Variants in SCRIB observed in about 807,000 individuals in gnomAD.
The protein encoded by SCRIB is protein scribble homolog.
Under a neutral mutation model 170.0 loss-of-function variants are expected in SCRIB, and 72 were observed. The ratio of observed to expected loss-of-function variants is 0.42; its 90% confidence interval spans 0.35 to 0.52. SCRIB has a LOEUF of 0.52. SCRIB is among the 20% of genes least tolerant of loss of function. The probability of loss-of-function intolerance (pLI) is 0.02; values close to 1 mark genes in which losing one functional copy is unlikely to be tolerated. For missense variants in SCRIB, 2,475 were observed against 2,338.5 expected (o/e 1.06, Z -1.20); for synonymous variants, 1,298 against 1,044.3 (o/e 1.24, Z -4.68).
In SCRIB at chr8:143,812,363, A is replaced by G. The variant is rs1815774613; in HGVS notation, c.809T>C (p.Ile270Thr). Residue 270 changes from isoleucine to threonine, a missense_variant, in exon 9 of 37, where the codon ATC (isoleucine) becomes ACC (threonine). Ile to Thr is a moderately conservative substitution (Grantham distance 89, BLOSUM62 -1). Coordinates refer to ENST00000356994, the MANE Select transcript of SCRIB (RefSeq NM_182706.5). ...DGIGQLKQLS[I>T]LKVDQNRLCE... ...CAGCCGATTCTGGTCTACCTTTAGG[A>G]TGGATAGCTGCTTCAGCTGACCTGG... 1 of 1,613,324 alleles carries G rather than the reference A, an allele frequency of 6.2e-7. No individual in the cohort carries two copies. Among genetic ancestry groups the G allele is most frequent in the Non-Finnish European group, 8.5e-7 (1 of 1,179,476 alleles).
At chr8:143,795,395 G>A (rs1814899648) in intron 25 of SCRIB, 25 bp downstream of exon 25, 1 of 1,612,464 alleles carries the variant, frequency 6.2e-7, no homozygotes, top group Non-Finnish European at 8.5e-7. Context: ...TGGCCCTGGG[G>A]CTGCCGGCTG....
In SCRIB at chr8:143,813,064, C is replaced by T; in HGVS notation, c.608G>A (p.Trp203Ter). 1 of 1,588,082 alleles carries T rather than the reference C, an allele frequency of 6.3e-7. No homozygotes were observed. The highest frequency in any genetic ancestry group is 8.6e-7 in the Non-Finnish European group (1 of 1,166,802). ...LGALPNLREL[W>*]LDRNQLSALP... ...TGCTGACAGCTGGTTCCGGTCAAGC[C>T]ACAGCTCCCGAAGATTGGGCAGAGC... Residue 203 changes from tryptophan (W) to a stop codon, truncating the protein, a stop_gained, in exon 7 of 37, where the codon TGG becomes TAG. Coordinates refer to ENST00000356994, the MANE Select transcript of SCRIB (RefSeq NM_182706.5). LOFTEE classifies it high-confidence loss of function.
intron 10 of SCRIB, 31 bp from the exon 11 acceptor site, chr8:143,811,103 G>A (rs752819039): frequency 1.4e-5 from 22 of 1,605,866 alleles, no homozygotes; most frequent in Admixed American, 6.8e-5. Context: ...GTCAGCAGGC[G>A]TTGGGGCCAC....
At position 143,805,276 on chromosome 8, in the gene SCRIB, G is replaced by T; in HGVS notation, c.2506C>A (p.Pro836Thr). The T allele has an allele frequency of 6.4e-7, 1 of 1,555,446 alleles. No homozygotes were observed. The highest frequency in any genetic ancestry group is 8.6e-7 in the Non-Finnish European group (1 of 1,156,680). ...TPLRPEDDYS[P>T]RERRGGGLRL... ...AGCCCCCCTCCCCGCCGCTCTCGGG[G>T]GCTGTAATCATCCTCGGGCCGCAGC... Residue 836 changes from proline (P) to threonine (T), a missense_variant, in exon 19 of 37, where the codon CCC (proline) becomes ACC (threonine). Physicochemically the swap from Pro to Thr is conservative, Grantham distance 38 (BLOSUM62 -1). Transcript: ENST00000356994.
In SCRIB at chr8:143,792,379, AG is replaced by A; in HGVS notation, c.4354del (p.Leu1452TrpfsTer55). On this transcript the variant is annotated frameshift_variant, in exon 32 of 37. Transcript: ENST00000356994. LOFTEE classifies it high-confidence loss of function. ...SRQSPASPPP[L>X]GGGAPVRTAK... Reference sequence around the variant, plus strand: ...CGTCCGCACCGGGGCGCCACCTCCCAGGGGTGGGGGGGACGCCGGGCTCTGC... The same window carrying A: ...CGTCCGCACCGGGGCGCCACCTCCCAGGGTGGGGGGGACGCCGGGCTCTGC... 1 of 1,511,142 alleles carries A rather than the reference AG, an allele frequency of 6.6e-7. No individual in the cohort carries two copies. Among genetic ancestry groups the A allele is most frequent in the Non-Finnish European group, 8.8e-7 (1 of 1,135,186 alleles). The allele number at this position is 1,511,142 out of a possible 1,614,324, so 93.6% of individuals were successfully genotyped here.
Position 143,803,557 on chromosome 8 carries a change from C to A in SCRIB, c.3429G>T (p.Gly1143=). ...GCAGCCGACCGTCGCGCCCGGCTGC[C>A]CCCGTGGGGCTCACCTGTGGGGAGA... ...GIFISKVSPT[G]AAGRDGRLRV... is the part of the protein sequence containing the mutation. Residue 1143 remains glycine (G), a synonymous_variant, in exon 24 of 37, where the codon GGG becomes GGT. Coordinates refer to ENST00000356994, the MANE Select transcript of SCRIB (RefSeq NM_182706.5). 1 of 1,602,906 alleles carries A rather than the reference C, an allele frequency of 6.2e-7. No homozygotes were observed. The highest frequency in any genetic ancestry group is 2.2e-5 in the East Asian group (1 of 44,754).
rs773044785 is a variant in SCRIB, at chr8:143,812,388, G to C, written c.788-4C>G. 2 of 1,600,052 alleles carry C rather than the reference G, an allele frequency of 1.2e-6. No individual in the cohort carries two copies. Among genetic ancestry groups the C allele is most frequent in the Non-Finnish European group, 1.7e-6 (2 of 1,167,426 alleles). On this transcript the variant is annotated splice_polypyrimidine_tract_variant and splice_region_variant and intron_variant, in intron 8 of 36. Transcript: ENST00000356994. ...ATGGATAGCTGCTTCAGCTGACCTG[G>C]CGTCGGGGAGACAGGGGGACAAGGC...
At chr8:143,808,519 GTCAGGCCTCGGCCCTGC>G in intron 15 of SCRIB, 73 bp downstream of exon 15, 6 of 1,438,806 alleles carry the variant, frequency 4.2e-6, no homozygotes, top group Non-Finnish European at 4.6e-6. Context: ...GGGCCAGTGG[GTCAGGCCTCGGCCCTGC>G]TCCTGCCGCA....
Position 143,814,865 on chromosome 8 carries a change from G to C in SCRIB, c.159+349C>G, listed in dbSNP as rs1815987926. On this transcript the variant is annotated intron_variant, in intron 1 of 36. Coordinates refer to ENST00000356994, the MANE Select transcript of SCRIB (RefSeq NM_182706.5). The stretch of plus-strand genomic sequence containing the variant: ...CCAGCAAAAAAGGAGAGGAGGTCTG[G>C]ACCCACCTCCAGAGCGGCCCAAGAA... 1.7e-5 allele frequency: 5 copies of C among 286,552 alleles called. No individual in the cohort carries two copies. The South Asian group carries it at 4.0e-4, about 23-fold the overall frequency. 17.8% of individuals were successfully genotyped at this position (286,552 alleles called of 1,614,324 possible).
In SCRIB at chr8:143,812,820, T is replaced by G. The variant is rs1248354806; in HGVS notation, c.784A>C (p.Ile262Leu). Residue 262 changes from isoleucine (I) to leucine (L), a missense_variant, in exon 8 of 37, where the codon ATC becomes CTC. Ile to Leu is a conservative substitution (Grantham distance 5). This residue lies in a region of SCRIB where 487 missense variants were observed against 558.1 expected (regional missense o/e 0.87). Coordinates refer to ENST00000356994, the MANE Select transcript of SCRIB (RefSeq NM_182706.5). ...QNLLRRLPDG[I>L]GQLKQLSILK... ...AGGCACCCCCAGGCACACTAACCGA[T>G]GCCGTCGGGCAGCCTCCGCAGCAGG... is the stretch of plus-strand genomic sequence containing the variant. 1 of 1,598,850 alleles carries G rather than the reference T, an allele frequency of 6.3e-7. No individual in the cohort carries two copies. The highest frequency in any genetic ancestry group is 2.2e-5 in the East Asian group (1 of 44,810).
Position 143,809,018 on chromosome 8 carries a change from A to T in SCRIB, c.1706T>A (p.Val569Glu). The change falls in exon 15 of 37, where the codon GTG (valine) becomes GAG (glutamate). Residue 569 changes from valine to glutamate, a missense_variant. By Grantham distance (121) the Val-to-Glu change is moderately radical (BLOSUM62 -2). Coordinates refer to ENST00000356994, the MANE Select transcript of SCRIB (RefSeq NM_182706.5). Reference sequence around the variant, plus strand: ...CAGCAGTGCGTCCTCTGCGAAATGCACCGTGGGCTGTGCGGACAAAAGGGT... The same window carrying T: ...CAGCAGTGCGTCCTCTGCGAAATGCTCCGTGGGCTGTGCGGACAAAAGGGT... ...DAEEDYQEPTVHFAEDALLPG... is the reference protein window; with the variant it reads ...DAEEDYQEPTEHFAEDALLPG... 6.2e-7 allele frequency: 1 copy of T among 1,610,554 alleles called. No individual in the cohort carries two copies. The highest frequency in any genetic ancestry group is 8.5e-7 in the Non-Finnish European group (1 of 1,178,712).
chr8:143,804,046 C>T lies in SCRIB; in HGVS notation c.3120G>A (p.Lys1040=). Residue 1040 remains lysine (K), a splice_region_variant and synonymous_variant, in exon 22 of 37, where the codon AAG becomes AAA. Coordinates refer to ENST00000356994, the MANE Select transcript of SCRIB (RefSeq NM_182706.5). ...GVQEPGVFIS[K]VLPRGLAARS... ...GAACCGCCTGGATGGGCCGCCCTAC[C>T]TTGGAGATGAACACACCAGGCTCCT... 4 of 1,606,414 alleles carry T rather than the reference C, an allele frequency of 2.5e-6. No homozygotes were observed. The highest frequency in any genetic ancestry group is 1.1e-5 in the South Asian group (1 of 90,558).
At chr8:143,806,554 A>G in intron 17 of SCRIB, 70 bp from the exon 18 acceptor site, 2 of 1,324,626 alleles carry the variant, frequency 1.5e-6, no homozygotes, top group Non-Finnish European at 2.1e-6. Flanking sequence ...TCTGCAGAAG[A>G]CCCAGGAGGG....
At chr8:143,795,662 C>G (rs781808159) in intron 24 of SCRIB, 132 bp from the exon 25 acceptor site, 9 of 785,286 alleles carry the variant, frequency 1.1e-5, no homozygotes, top group Non-Finnish European at 1.7e-5. Context: ...CAGGGCTGAC[C>G]GCGTGGCTGG....
In SCRIB at chr8:143,809,572, G is replaced by A. The variant is rs145691551; in HGVS notation, c.1677C>T (p.Asp559=). 2.4e-5 allele frequency: 39 copies of A among 1,611,318 alleles called. No homozygotes were observed. The highest frequency in any genetic ancestry group is 8.9e-5 in the East Asian group (4 of 44,878). Residue 559 remains aspartate (D), a synonymous_variant, in exon 14 of 37, where the codon GAC becomes GAT. Transcript: ENST00000356994. ...ACACCTCCTGGTAGTCCTCTTCGGC[G>A]TCTTCCTCCCCGCCAGCAGTCGTGG... The part of the protein sequence containing the change: ...QEATTAGGEE[D]AEEDYQEPTV...
Position 143,812,969 on chromosome 8 carries a change from T to C in SCRIB, c.643-8A>G, listed in dbSNP as rs2130144766. ...CCGCAGGTTCCCGAGCTCCTGCAGG[T>C]GGGCAGAGAGTCAGAGCGCGGATGG... is the stretch of plus-strand genomic sequence containing the variant. On this transcript the variant is annotated splice_polypyrimidine_tract_variant and splice_region_variant and intron_variant, in intron 7 of 36. Coordinates refer to ENST00000356994, the MANE Select transcript of SCRIB (RefSeq NM_182706.5). 2 of 1,612,574 alleles carry C rather than the reference T, an allele frequency of 1.2e-6. No individual in the cohort carries two copies. Among genetic ancestry groups the C allele is most frequent in the Non-Finnish European group, 1.7e-6 (2 of 1,179,848 alleles).
chr8:143,814,907 C>T, intron 1 of SCRIB: 1 of 399,166 alleles, frequency 2.5e-6, no homozygotes. Context: ...ACTCATCAGC[C>T]ACCTGAATCC....
In SCRIB at chr8:143,812,336, C is replaced by A. The variant is rs759120065; in HGVS notation, c.836G>T (p.Cys279Phe). 2 of 1,613,942 alleles carry A rather than the reference C, an allele frequency of 1.2e-6. No individual in the cohort carries two copies. Among genetic ancestry groups the A allele is most frequent in the South Asian group, 2.2e-5 (2 of 91,088 alleles). Residue 279 changes from cysteine (C) to phenylalanine (F), a missense_variant, in exon 9 of 37, where the codon TGC becomes TTC. Cys to Phe is a radical substitution (Grantham distance 205, BLOSUM62 -2). Transcript: ENST00000356994. The stretch of plus-strand genomic sequence containing the variant: ...GTCCCCGATGGCCTCGGTCACCTCG[C>A]ACAGCCGATTCTGGTCTACCTTTAG... Reference protein sequence around the residue: ...SILKVDQNRLCEVTEAIGDCE... With the variant: ...SILKVDQNRLFEVTEAIGDCE...
chr8:143,794,078 C>T, intron 27 of SCRIB, 116 bp from the exon 28 acceptor site: 1 of 926,532 alleles, frequency 1.1e-6, no homozygotes, highest in Non-Finnish European at 1.7e-6. Context: ...AGTTCCCCAA[C>T]CTGACTATAG....
Sources: allele counts gnomAD v4.1 joint callset, GRCh38; gene constraint gnomAD v4.1.1; regional missense constraint gnomAD v4.1.1; transcripts MANE v1.5; gene names NCBI Gene and HGNC (gene_info 2026-07-23, HGNC 2026-07-21).